Variants in CDH23 observed in about 807,000 individuals in gnomAD.
The protein encoded by CDH23 is cadherin related 23, also known as cadherin-23.
CDH23 carries 189 observed loss-of-function variants against 317.1 expected under a neutral mutation model. The ratio of observed to expected loss-of-function variants is 0.60; its 90% confidence interval spans 0.53 to 0.67. The LOEUF (loss-of-function observed/expected upper bound fraction) is 0.67. CDH23 is among the 30% of genes least tolerant of loss of function. CDH23 has a pLI of 0.00. For synonymous variants in CDH23, 1,839 were observed against 1,876.8 expected, an observed-to-expected ratio of 0.98 and a Z score of 0.52; for missense variants, 4,401 against 4,592.4, an observed-to-expected ratio of 0.96 and a Z score of 1.20.
chr10:71,481,777 C>T (rs1430493471), intron 3 of CDH23, among the ~76,000 whole-genome samples: 3 of 152,248 alleles, frequency 2.0e-5, no homozygotes, highest in Non-Finnish European at 4.4e-5. Context: ...TCCTCTCCTT[C>T]AGCTCGCAGA....
chr10:71,634,737 C>T (rs1862180410), intron 11 of CDH23, among the ~76,000 whole-genome samples: 1 of 152,240 alleles, frequency 6.6e-6, no homozygotes, highest in Non-Finnish European at 1.5e-5. Context: ...TCTGTGGTTC[C>T]CTCTGTCCTT....
intron 9 of CDH23, among the ~76,000 whole-genome samples, chr10:71,609,766 G>T (rs1195683252): frequency 6.6e-6 from 1 of 152,096 alleles, no homozygotes; most frequent in Non-Finnish European, 1.5e-5. Context: ...AGTGTCTGAC[G>T]AACGTCACCA....
intron 31 of CDH23, among the ~76,000 whole-genome samples, chr10:71,731,172 C>G (rs1378821036): frequency 2.0e-5 from 3 of 152,192 alleles, no homozygotes; most frequent in African/African-American, 7.2e-5. Flanking sequence ...CTCTGTGGCC[C>G]TCCGTGCGGC....
chr10:71,444,074 C>T (rs769709032), intron 2 of CDH23, among the ~76,000 whole-genome samples: 3 of 152,254 alleles, frequency 2.0e-5, no homozygotes, highest in Non-Finnish European at 4.4e-5. Flanking sequence ...TCTGGGCACT[C>T]ATTTGCCTCG....
chr10:71,503,137 G>A (rs953061793), intron 3 of CDH23, among the ~76,000 whole-genome samples: 6 of 152,244 alleles, frequency 3.9e-5, no homozygotes, highest in East Asian at 1.9e-4. Context: ...GCTGAGGGCC[G>A]AGGCCACGGT....
chr10:71,525,297 C>A lies in CDH23; in HGVS notation c.429+14085C>A, dbSNP rs555515496. 2.6e-5 allele frequency among the ~76,000 whole-genome samples: 4 copies of A among 152,336 alleles called. No homozygotes were observed. The South Asian group carries it at 8.3e-4, about 32-fold the overall frequency. ...AAATCTGTGTTGTTTTAAGCCACTA[C>A]GTATGTAGTAACTTGTTACAGCAGC... On this transcript the variant is annotated intron_variant, in intron 6 of 69. Coordinates refer to ENST00000224721, the MANE Select transcript of CDH23 (RefSeq NM_022124.6).
chr10:71,670,992 C>T (rs1864122181), intron 14 of CDH23, among the ~76,000 whole-genome samples: 1 of 144,798 alleles, frequency 6.9e-6, no homozygotes, highest in Non-Finnish European at 1.5e-5. Context: ...GACAGGGTCT[C>T]ACTGTCACAC....
intron 12 of CDH23, chr10:71,645,508 C>T (rs1451966952): frequency 4.1e-6 from 2 of 493,398 alleles, no homozygotes; most frequent in Non-Finnish European, 7.9e-6. Flanking sequence ...TGGCCGGTCC[C>T]TCCGCAGCTG....
At chr10:71,702,322 C>T (rs1865621094) in intron 23 of CDH23, 111 bp downstream of exon 23, 2 of 1,267,324 alleles carry the variant, frequency 1.6e-6, no homozygotes, top group African/African-American at 1.5e-5. Flanking sequence ...TGTCTGATCA[C>T]CAAGAGTAGA....
chr10:71,706,308 G>C (rs1416890555), intron 25 of CDH23, among the ~76,000 whole-genome samples: 1 of 152,162 alleles, frequency 6.6e-6, no homozygotes, highest in African/African-American at 2.4e-5. Context: ...TTTTCAAAGT[G>C]AGCTCCCTTT....
intron 11 of CDH23, among the ~76,000 whole-genome samples, chr10:71,643,567 C>CT (rs398114508): frequency 2.0e-5 from 3 of 151,270 alleles, no homozygotes; most frequent in Non-Finnish European, 2.9e-5. Flanking sequence ...TTGCCCCCCC[C>CT]TCACCTCCTC....
intron 16 of CDH23, among the ~76,000 whole-genome samples, chr10:71,678,290 T>G (rs1028842523): frequency 2.0e-5 from 3 of 151,106 alleles, no homozygotes; most frequent in Admixed American, 2.0e-4. Context: ...GACCATGGAG[T>G]GCAACCCCAT....
intron 9 of CDH23, among the ~76,000 whole-genome samples, chr10:71,585,755 A>T (rs1666000004): frequency 6.6e-6 from 1 of 152,104 alleles, no homozygotes; most frequent in African/African-American, 2.4e-5. Context: ...GCCTCTCCTG[A>T]TGCTCTCATG....
chr10:71,660,738 G>A (rs1290231998), intron 14 of CDH23, among the ~76,000 whole-genome samples: 1 of 152,150 alleles, frequency 6.6e-6, no homozygotes, highest in Non-Finnish European at 1.5e-5. Flanking sequence ...GAAAGTTAGG[G>A]AAGGCATGGC....
chr10:71,460,410 G>A (rs531289392), intron 3 of CDH23, among the ~76,000 whole-genome samples: 13 of 152,374 alleles, frequency 8.5e-5, no homozygotes, highest in Non-Finnish European at 1.5e-4. Context: ...CTTGGCAGCA[G>A]GACTGTGTGC....
At chr10:71,517,235 G>A (rs1854382909) in intron 6 of CDH23, among the ~76,000 whole-genome samples, 1 of 152,192 alleles carries the variant, frequency 6.6e-6, no homozygotes, top group Non-Finnish European at 1.5e-5. Flanking sequence ...GGAGCGGTGA[G>A]GCCTAGCACT....
At chr10:71,591,319 G>T (rs1241183897) in intron 9 of CDH23, among the ~76,000 whole-genome samples, 1 of 152,190 alleles carries the variant, frequency 6.6e-6, no homozygotes, top group East Asian at 1.9e-4. Context: ...CAAAGAGACG[G>T]TTATTCCATT....
chr10:71,800,558 C>T (rs1222091016), intron 52 of CDH23, 78 bp from the exon 53 acceptor site: 9 of 1,482,698 alleles, frequency 6.1e-6, no homozygotes, highest in Admixed American at 5.8e-5. Context: ...GAGCCCATAA[C>T]AGCATCTGGC....
chr10:71,725,305 G>T (rs1021805898), intron 29 of CDH23, 67 bp from the exon 30 acceptor site: 2 of 1,609,374 alleles, frequency 1.2e-6, no homozygotes, highest in East Asian at 4.5e-5. Flanking sequence ...CCCAACCATG[G>T]CAGGCCAGCA....
Sources: allele counts gnomAD v4.1 joint callset (sites outside exome capture counted in the v4.1 genomes callset), GRCh38; gene constraint gnomAD v4.1.1; transcripts MANE v1.5; gene names NCBI Gene and HGNC (gene_info 2026-07-23, HGNC 2026-07-21).